Variants in PRKN observed in about 807,000 individuals in gnomAD.
PRKN encodes the protein E3 ubiquitin-protein ligase parkin.
Under a neutral mutation model 59.5 loss-of-function variants are expected in PRKN, and 56 were observed. The ratio of observed to expected loss-of-function variants is 0.94; its 90% CI spans 0.76 to 1.18. The LOEUF is 1.18. Among genes scored for constraint, PRKN ranks in the 50% most tolerant of loss-of-function variants. PRKN has a pLI of 0.00. For synonymous variants in PRKN, 250 were observed against 222.1 expected, an observed-to-expected ratio of 1.13 and a Z score of -1.12; for missense variants, 657 against 596.4, an observed-to-expected ratio of 1.10 and a Z score of -1.06.
At chr6:162,218,095 C>T (rs765361352) in intron 3 of PRKN, among the ~76,000 whole-genome samples, 1 of 152,170 alleles carries the variant, frequency 6.6e-6, no homozygotes, top group African/African-American at 2.4e-5. Context: ...CAACAGCCAG[C>T]CACAGCCCTC....
chr6:161,399,913 A>C lies in PRKN; in HGVS notation c.1084-13036T>G, dbSNP rs1334609301. The stretch of plus-strand genomic sequence containing the variant: ...TAAAATTAATTTCAATATTTTACTT[A>C]ACTAAATATATTCAAAATTGTATCA... On this transcript the variant is annotated intron_variant, in intron 9 of 11. Coordinates refer to ENST00000366898, the MANE Select transcript of PRKN (RefSeq NM_004562.3). This position sits in a 1 kb window ranked among gnomAD's most constrained non-coding sequence, Gnocchi z 4.4. Among the ~76,000 whole-genome samples, 1 of 152,228 alleles carries C rather than the reference A, an allele frequency of 6.6e-6. No homozygotes were observed. The highest frequency in any genetic ancestry group is 1.5e-5 in the Non-Finnish European group (1 of 68,050).
intron 2 of PRKN, among the ~76,000 whole-genome samples, chr6:162,315,232 A>G (rs767822871): frequency 6.6e-6 from 1 of 152,188 alleles, no homozygotes; most frequent in Non-Finnish European, 1.5e-5. Flanking sequence ...CCTATGTGCT[A>G]AAAGTGGTAA....
rs11293379 is a variant in PRKN, at chr6:161,372,825, A to ATTTTTTTTTTTTTTTTTTTTTTTTTTTT, written c.1168-12621_1168-12620insAAAAAAAAAAAAAAAAAAAAAAAAAAAA. ...TGGTCAACAAAGACAGAGAGACCCT[A>ATTTTTTTTTTTTTTTTTTTTTTTTTTTT]TTTTTTTTTTTTTTTTTTTTTTGAG... On this transcript the variant is annotated intron_variant, in intron 10 of 11. Transcript: ENST00000366898. The surrounding 1 kb of genome is among the most constrained non-coding windows in gnomAD (Gnocchi z 4.2). Among the ~76,000 whole-genome samples the ATTTTTTTTTTTTTTTTTTTTTTTTTTTT allele has an allele frequency of 1.7e-5, 2 of 114,440 alleles. No homozygotes were observed. The highest frequency in any genetic ancestry group is 9.2e-5 in the Admixed American group (1 of 10,862). 75.1% of individuals were successfully genotyped at this position (114,440 alleles called of 152,430 possible).
At chr6:161,366,052 A>G (rs1254301001) in intron 10 of PRKN, among the ~76,000 whole-genome samples, 5 of 152,136 alleles carry the variant, frequency 3.3e-5, no homozygotes, top group Non-Finnish European at 1.5e-5. Context: ...TTGAAATCCT[A>G]CCCACCAAGG....
chr6:162,025,945 G>C (rs1409521100), intron 5 of PRKN, among the ~76,000 whole-genome samples: 2 of 152,074 alleles, frequency 1.3e-5, no homozygotes, highest in Admixed American at 6.6e-5. Context: ...GGTAGATAGG[G>C]AGATGAGGGC....
At chr6:162,327,307 A>C (rs1783336037) in intron 2 of PRKN, among the ~76,000 whole-genome samples, 1 of 152,144 alleles carries the variant, frequency 6.6e-6, no homozygotes, top group African/African-American at 2.4e-5. Flanking sequence ...CTGCAGCATA[A>C]GTTCTTTTTT....
chr6:162,113,966 T>C (rs1376495815), intron 4 of PRKN, among the ~76,000 whole-genome samples: 1 of 152,018 alleles, frequency 6.6e-6, no homozygotes, highest in African/African-American at 2.4e-5. Context: ...ATTTATTAAA[T>C]AGGGAATCCT....
rs564384626 is a variant in PRKN at position 162,205,912 on chromosome 6, A to G, written c.413-4660T>C. ...GCTACCAAACTAGAAAGCACAGAAGAAGAGAATAAAAACCACTGGTGTGGC... is the reference window on the plus strand; with the variant it reads ...GCTACCAAACTAGAAAGCACAGAAGGAGAGAATAAAAACCACTGGTGTGGC... On this transcript the variant is annotated intron_variant, in intron 3 of 11. Transcript: ENST00000366898. 1.1e-4 allele frequency among the ~76,000 whole-genome samples: 16 copies of G among 152,302 alleles called. No homozygotes were observed. In the East Asian group the frequency reaches 2.3e-3, roughly 22 times the overall value.
At chr6:161,542,238 C>T (rs923221849) in intron 9 of PRKN, among the ~76,000 whole-genome samples, 2 of 152,174 alleles carry the variant, frequency 1.3e-5, no homozygotes, top group Admixed American at 1.3e-4. Flanking sequence ...TGCTCATTAG[C>T]CATTTATATT....
At chr6:162,265,299 A>C (rs1015548981) in intron 2 of PRKN, 5 of 152,234 alleles carry the variant, frequency 3.3e-5, no homozygotes, top group African/African-American at 1.2e-4. Context: ...TCCTCCCTGC[A>C]ATCTGTGTCC....
At chr6:162,401,666 G>A (rs1787799132) in intron 2 of PRKN, among the ~76,000 whole-genome samples, 1 of 152,038 alleles carries the variant, frequency 6.6e-6, no homozygotes, top group Admixed American at 6.6e-5. Flanking sequence ...CATAAGTTGA[G>A]CATCATCTTT....
At position 162,492,127 on chromosome 6, in the gene PRKN, T is replaced by C. The variant is rs963038960; in HGVS notation, c.8-48654A>G. Among the ~76,000 whole-genome samples the C allele has an allele frequency of 2.6e-5, 4 of 152,346 alleles. No individual in the cohort carries two copies. The East Asian group carries it at 5.8e-4, about 22-fold the overall frequency. ...CTTTTGGTCTCCTCTTCTGTACTTC[T>C]GGAAGCTTCCACTAGTCTCTTACCA... On this transcript the variant is annotated intron_variant, in intron 1 of 11. Coordinates refer to ENST00000366898, the MANE Select transcript of PRKN (RefSeq NM_004562.3).
intron 9 of PRKN, among the ~76,000 whole-genome samples, chr6:161,434,095 T>C (rs1287900504): frequency 6.6e-6 from 1 of 152,164 alleles, no homozygotes; most frequent in Non-Finnish European, 1.5e-5. Context: ...AATTTTATGA[T>C]GGACTTAAAC....
chr6:162,507,336 A>T (rs1793654910), intron 1 of PRKN, among the ~76,000 whole-genome samples: 1 of 152,128 alleles, frequency 6.6e-6, no homozygotes, highest in Non-Finnish European at 1.5e-5. Context: ...ATGGCTTCTC[A>T]CTGTCCTAGA....
At chr6:161,558,171 CA>C (rs1780312538) in intron 8 of PRKN, among the ~76,000 whole-genome samples, 1 of 152,112 alleles carries the variant, frequency 6.6e-6, no homozygotes, top group African/African-American at 2.4e-5. Flanking sequence ...TCCACACAGG[CA>C]GAGAACCCAC....
At chr6:162,086,068 C>T (rs775255827) in intron 4 of PRKN, among the ~76,000 whole-genome samples, 3 of 152,114 alleles carry the variant, frequency 2.0e-5, no homozygotes, top group African/African-American at 7.2e-5. Flanking sequence ...AATAGTCATA[C>T]GGCAAATAAG....
At chr6:161,634,056 C>T (rs1224400607) in intron 7 of PRKN, among the ~76,000 whole-genome samples, 3 of 150,898 alleles carry the variant, frequency 2.0e-5, no homozygotes, top group African/African-American at 7.3e-5. Context: ...CCCCCTAAAA[C>T]CCAAGCAACT....
chr6:162,686,172 A>T (rs1235380345), intron 1 of PRKN, among the ~76,000 whole-genome samples: 1 of 152,202 alleles, frequency 6.6e-6, no homozygotes, highest in Non-Finnish European at 1.5e-5. Flanking sequence ...GTGATCAATC[A>T]AATGAAAAAC....
In PRKN at chr6:161,990,963, G is replaced by C. The variant is rs555060208; in HGVS notation, c.619-17546C>G. Among the ~76,000 whole-genome samples the C allele has an allele frequency of 3.9e-5, 6 of 152,274 alleles. No homozygotes were observed. The South Asian group carries it at 1.2e-3, about 32-fold the overall frequency. On this transcript the variant is annotated intron_variant, in intron 5 of 11. Transcript: ENST00000366898. The stretch of plus-strand genomic sequence containing the variant: ...TTTCAAGGAACATTAGAGTCAGACT[G>C]TTAAAAGTTAAAGACAAACAGAATT...
Sources: allele counts gnomAD v4.1 joint callset (sites outside exome capture counted in the v4.1 genomes callset), GRCh38; gene constraint gnomAD v4.1.1; non-coding constraint Gnocchi (gnomAD v3.1); transcripts MANE v1.5; gene names NCBI Gene and HGNC (gene_info 2026-07-23, HGNC 2026-07-21).